The following VTI1A variants were observed in gnomAD, a reference collection of about 807,000 sequenced individuals.
VTI1A encodes the protein vesicle transport through interaction with t-SNAREs homolog 1A.
VTI1A carries 22 observed loss-of-function variants against 34.9 expected under a neutral mutation model. The observed-to-expected ratio is 0.63, with a 90% confidence interval of 0.45 to 0.90. The LOEUF (loss-of-function observed/expected upper bound fraction) is 0.90. Ranked by LOEUF, VTI1A falls within the 40% of genes least tolerant of loss-of-function variation. VTI1A has a pLI of 0.00. For missense variants in VTI1A, 268 were observed against 275.6 expected, an observed-to-expected ratio of 0.97 and a Z score of 0.20; for synonymous variants, 87 against 97.3, an observed-to-expected ratio of 0.89 and a Z score of 0.62.
intron 3 of VTI1A, among the ~76,000 whole-genome samples, chr10:112,517,028 A>G (rs1168408628): frequency 6.6e-6 from 1 of 152,128 alleles, no homozygotes; most frequent in Non-Finnish European, 1.5e-5. Context: ...AGTTTGAACA[A>G]TAGGTATGAA....
intron 5 of VTI1A, among the ~76,000 whole-genome samples, chr10:112,582,900 C>A (rs1844003403): frequency 6.6e-6 from 1 of 152,074 alleles, no homozygotes. Context: ...TGTAAAAAAC[C>A]TCCAAGAAAA....
At chr10:112,461,865 A>G (rs1007573338) in intron 2 of VTI1A, among the ~76,000 whole-genome samples, 2 of 152,116 alleles carry the variant, frequency 1.3e-5, no homozygotes, top group African/African-American at 4.8e-5. Context: ...TTACAGAGCA[A>G]TACCACACTT....
chr10:112,688,334 A>T (rs1848497635), intron 7 of VTI1A, among the ~76,000 whole-genome samples: 2 of 152,042 alleles, frequency 1.3e-5, no homozygotes, highest in Non-Finnish European at 2.9e-5. Flanking sequence ...AAAGGAAAAA[A>T]AATCACTCCT....
chr10:112,730,743 A>G (rs1257327693), intron 7 of VTI1A, among the ~76,000 whole-genome samples: 2 of 152,094 alleles, frequency 1.3e-5, no homozygotes, highest in East Asian at 1.9e-4. Context: ...GTAAGTGATC[A>G]TAAAAATACC....
At position 112,721,300 on chromosome 10, in the gene VTI1A, C is replaced by A. The variant is rs561474880; in HGVS notation, c.560+52302C>A. On this transcript the variant is annotated intron_variant, in intron 7 of 7. Transcript: ENST00000393077. ...GGTGGCATCAAGGAGCACTCACTTA[C>A]CATTGCCATAGTTAACAGTTATTTA... Among the ~76,000 whole-genome samples, 5 of 152,314 alleles carry A rather than the reference C, an allele frequency of 3.3e-5. No individual in the cohort carries two copies. The South Asian group carries it at 1.0e-3, about 32-fold the overall frequency.
intron 5 of VTI1A, among the ~76,000 whole-genome samples, chr10:112,598,808 C>T (rs1366123564): frequency 6.6e-6 from 1 of 152,030 alleles, no homozygotes; most frequent in African/African-American, 2.4e-5. Flanking sequence ...TGTGGTAGAC[C>T]CCCTTGGTAA....
chr10:112,684,478 A>G (rs1296837097), intron 7 of VTI1A, among the ~76,000 whole-genome samples: 1 of 130,776 alleles, frequency 7.6e-6, no homozygotes, highest in Non-Finnish European at 1.5e-5. Context: ...TCATTCTGTC[A>G]CCCAGGCTGC....
intron 3 of VTI1A, among the ~76,000 whole-genome samples, chr10:112,503,319 A>G (rs1849310244): frequency 6.6e-6 from 1 of 152,148 alleles, no homozygotes; most frequent in African/African-American, 2.4e-5. Flanking sequence ...CATCTTCATG[A>G]GATCCGCCTT....
At chr10:112,531,768 G>C (rs562481837) in intron 4 of VTI1A, among the ~76,000 whole-genome samples, 1 of 152,230 alleles carries the variant, frequency 6.6e-6, no homozygotes, top group African/African-American at 2.4e-5. Context: ...AGAAAAGATC[G>C]CTGGCCGATC....
chr10:112,532,028 G>A (rs17129851), intron 4 of VTI1A, among the ~76,000 whole-genome samples: 19,234 of 152,036 alleles, frequency 0.13, 1,374 homozygotes, highest in East Asian at 0.23. Context: ...TGATAATAAA[G>A]GTTTCATTTT....
intron 5 of VTI1A, among the ~76,000 whole-genome samples, chr10:112,564,562 T>A (rs1213182888): frequency 6.6e-6 from 1 of 152,176 alleles, no homozygotes; most frequent in Non-Finnish European, 1.5e-5. Flanking sequence ...CACTTCTTCC[T>A]TGTTTAAACA....
At chr10:112,832,100 A>G in the VTI1A span, 1 of 152,218 alleles carries the variant, frequency 6.6e-6, no homozygotes, top group Non-Finnish European at 1.5e-5. Context: ...AACTTTTACA[A>G]GGGAGACTTA....
downstream of VTI1A, among the ~76,000 whole-genome samples, chr10:112,820,723 C>T (rs1357466338): frequency 6.6e-6 from 1 of 152,108 alleles, no homozygotes. Context: ...AGGGCAGATG[C>T]GGGGAGTGCA....
At chr10:112,752,359 G>A in intron 7 of VTI1A, 3 of 985,316 alleles carry the variant, frequency 3.0e-6, no homozygotes, top group Non-Finnish European at 3.6e-6. Context: ...CCAGGTTTGT[G>A]CTATTCTGAT....
chr10:112,787,698 C>CTTTTTTTTTTTTTTTTT (rs34862909), intron 7 of VTI1A, among the ~76,000 whole-genome samples: 18 of 103,238 alleles, frequency 1.7e-4, no homozygotes, highest in East Asian at 5.7e-4. Context: ...TTTTTCTTTT[C>CTTTTTTTTTTTTTTTTT]TTTTTTTTTT....
intron 1 of VTI1A, among the ~76,000 whole-genome samples, chr10:112,455,154 CCTTCCCTCCTCCCCT>C (rs1847392928): frequency 1.3e-5 from 1 of 78,456 alleles, no homozygotes; most frequent in Non-Finnish European, 2.6e-5. Context: ...AGTTCCCTCC[CCTTCCCTCCTCCCCT>C]CCTCCCCTCC....
intron 7 of VTI1A, among the ~76,000 whole-genome samples, chr10:112,682,256 T>C (rs1034861359): frequency 6.6e-6 from 1 of 152,222 alleles, no homozygotes; most frequent in Admixed American, 6.5e-5. Context: ...TTTTCAAATA[T>C]ACAGTTTTCT....
At chr10:112,655,344 G>A (rs990117635) in intron 5 of VTI1A, among the ~76,000 whole-genome samples, 1 of 152,146 alleles carries the variant, frequency 6.6e-6, no homozygotes, top group African/African-American at 2.4e-5. Flanking sequence ...AAACCAAGGA[G>A]TAAAGAGAAG....
intron 5 of VTI1A, among the ~76,000 whole-genome samples, chr10:112,640,158 A>C (rs1287345014): frequency 6.6e-6 from 1 of 152,210 alleles, no homozygotes; most frequent in Non-Finnish European, 1.5e-5. Flanking sequence ...TGCCCATTTA[A>C]AAATTCAGCA....
Sources: allele counts gnomAD v4.1 joint callset (sites outside exome capture counted in the v4.1 genomes callset), GRCh38; gene constraint gnomAD v4.1.1; transcripts MANE v1.5; gene names NCBI Gene and HGNC (gene_info 2026-07-23, HGNC 2026-07-21).